Variants in TTN observed in about 807,000 individuals in gnomAD.
TTN encodes the protein connectin.
In TTN, 1,525 loss-of-function variants were observed where a neutral mutation model predicts 3,223.0. The ratio of observed to expected loss-of-function variants is 0.47; its 90% CI spans 0.45 to 0.49. The LOEUF is 0.49. TTN is among the 20% of genes least tolerant of loss of function. The pLI is 0.00. For synonymous variants in TTN, 14,094 were observed against 15,161.0 expected, an observed-to-expected ratio of 0.93 and a Z score of 5.17; for missense variants, 40,786 against 43,424.0, an observed-to-expected ratio of 0.94 and a Z score of 5.40.
chr2:178,663,819 C>CTTTAACAGG lies in TTN; in HGVS notation c.36439_36447dup (p.Pro12147_Lys12149dup), dbSNP rs1560186470. 1 of 1,613,510 alleles carries CTTTAACAGG rather than the reference C, an allele frequency of 6.2e-7. No individual in the cohort carries two copies. The highest frequency in any genetic ancestry group is 2.2e-5 in the East Asian group (1 of 44,872). ...GAAGCCTAAGGTCAGTGGCAACTAC[C>CTTTAACAGG]TTTAACAGGTGGGACTTCAGGCTCT... On this transcript the variant is annotated inframe_insertion and splice_region_variant, in exon 170 of 363. Transcript: ENST00000589042.
chr2:178,590,578 T>C lies in TTN; in HGVS notation c.61147A>G (p.Lys20383Glu). Reference protein sequence around the residue: ...GPPINPKLKDKSRETADLVWT... With the variant: ...GPPINPKLKDESRETADLVWT... ...ACCAAATCAGCTGTTTCTCTGCTCT[T>C]GTCTTTCAGTTTAGGATTAATAGGT... is the stretch of plus-strand genomic sequence containing the variant. The change falls in exon 304 of 363, where the codon AAG becomes GAG. Residue 20383 changes from lysine (K) to glutamate (E), a missense_variant. Transcript: ENST00000589042. The C allele has an allele frequency of 6.2e-7, 1 of 1,612,628 alleles. No homozygotes were observed. Among genetic ancestry groups the C allele is most frequent in the South Asian group, 1.1e-5 (1 of 90,890 alleles).
At chr2:178,714,908 G>A (rs2077235625) in intron 90 of TTN, 78 bp downstream of exon 90, 7 of 1,522,370 alleles carry the variant, frequency 4.6e-6, no homozygotes, top group Non-Finnish European at 6.2e-6. Flanking sequence ...TGATAAGACT[G>A]GGCTGGGGTG....
rs2074411692 is a variant in TTN, at chr2:178,699,412, TTTTTTTTTTTTTTTTTTG to T, written c.30683-516_30683-499del. ...TTTTTTTTTTTTTTTTTTTTTTTTT[TTTTTTTTTTTTTTTTTTG>T]AGACGGAGTCCCGCTGTTTAGCCCA... On this transcript the variant is annotated intron_variant, in intron 111 of 362. Transcript: ENST00000589042. 1.1e-4 allele frequency among the ~76,000 whole-genome samples: 7 copies of T among 65,616 alleles called. No individual in the cohort carries two copies. The East Asian group carries it at 3.6e-3, about 34-fold the overall frequency. 43.0% of individuals were successfully genotyped at this position (65,616 alleles called of 152,430 possible).
In TTN at chr2:178,611,162, A is replaced by T. The variant is rs1187588369; in HGVS notation, c.50967T>A (p.His16989Gln). The T allele has an allele frequency of 6.2e-7, 1 of 1,612,724 alleles. No homozygotes were observed. The highest frequency in any genetic ancestry group is 1.7e-5 in the Admixed American group (1 of 59,930). Residue 16989 changes from histidine to glutamine, a missense_variant, in exon 270 of 363, where the codon CAT becomes CAA. Physicochemically the swap from His to Gln is conservative, Grantham distance 24. Coordinates refer to ENST00000589042, the MANE Select transcript of TTN (RefSeq NM_001267550.2). ...RAVPVPTVSWHKDGKEVKASD... is the reference protein window; with the variant it reads ...RAVPVPTVSWQKDGKEVKASD... ...TTGCTTTAACTTCTTTGCCATCTTT[A>T]TGCCAACTAACAGTTGGAACTGGGA...
Position 178,579,818 on chromosome 2 carries a change from A to C in TTN, c.67379T>G (p.Val22460Gly). ...QTPGPVVDLK[V>G]RSVSKSSCSI... ...ACAGGATGACTTAGATACAGACCTCACTTTCAGGTCCACAACTGGTCCAGG... is the reference window on the plus strand; with the variant it reads ...ACAGGATGACTTAGATACAGACCTCCCTTTCAGGTCCACAACTGGTCCAGG... The change falls in exon 319 of 363, where the codon GTG becomes GGG. Residue 22460 changes from valine (V) to glycine (G), a missense_variant. By Grantham distance (109) the Val-to-Gly change is moderately radical. Transcript: ENST00000589042. 6.2e-7 allele frequency: 1 copy of C among 1,613,294 alleles called. No homozygotes were observed. The highest frequency in any genetic ancestry group is 8.5e-7 in the Non-Finnish European group (1 of 1,179,496).
Position 178,733,119 on chromosome 2 carries a change from G to C in TTN, c.16057C>G (p.Arg5353Gly). 1 of 1,586,148 alleles carries C rather than the reference G, an allele frequency of 6.3e-7. No homozygotes were observed. Among genetic ancestry groups the C allele is most frequent in the Non-Finnish European group, 8.6e-7 (1 of 1,164,478 alleles). ...SCETTFTVLD[R>G]DIAPFFTKPL... ...TTGGTAAAAAATGGAGCAATGTCTC[G>C]ATCTGTGTGTTGCACAAGAAGGGAG... is the stretch of plus-strand genomic sequence containing the variant. The change falls in exon 55 of 363, where the codon CGA becomes GGA. Residue 5353 changes from arginine (R) to glycine (G), a missense_variant and splice_region_variant. Physicochemically the swap from Arg to Gly is moderately radical, Grantham distance 125. Coordinates refer to ENST00000589042, the MANE Select transcript of TTN (RefSeq NM_001267550.2).
Position 178,759,160 on chromosome 2 carries a change from G to A in TTN, c.10127C>T (p.Ser3376Leu), listed in dbSNP as rs781368765. ...CRVSGTDLKV[S>L]WYSKDKKIKP... ...GATTTTCTTGTCTTTGCTGTACCAC[G>A]ACACTTTTAGATCTGCGACACAAAA... Residue 3376 changes from serine (S) to leucine (L), a missense_variant, in exon 44 of 363, where the codon TCG becomes TTG. Transcript: ENST00000589042. 15 of 1,613,618 alleles carry A rather than the reference G, an allele frequency of 9.3e-6. No homozygotes were observed. The African/African-American group carries it at 1.6e-4, about 17-fold the overall frequency.
rs375659512 is a variant in TTN, at chr2:178,784,255, C to T, written c.2590G>A (p.Val864Met). ...KITKSVKAPT[V>M]KPSETRVRAE... ...CTTACTCTAGTCTCACTGGGCTTCACAGTAGGAGCCTTCACCGATTTGGTG... is the reference window on the plus strand; with the variant it reads ...CTTACTCTAGTCTCACTGGGCTTCATAGTAGGAGCCTTCACCGATTTGGTG... The change falls in exon 16 of 363, where the codon GTG becomes ATG. Residue 864 changes from valine (V) to methionine (M), a missense_variant. By Grantham distance (21) the Val-to-Met change is conservative. Coordinates refer to ENST00000589042, the MANE Select transcript of TTN (RefSeq NM_001267550.2). The T allele has an allele frequency of 3.7e-6, 6 of 1,614,110 alleles. No homozygotes were observed. Among genetic ancestry groups the T allele is most frequent in the Non-Finnish European group, 5.1e-6 (6 of 1,179,986 alleles).
At chr2:178,663,150 G>C in intron 173 of TTN, 95 bp from the exon 174 acceptor site, 1 of 1,608,680 alleles carries the variant, frequency 6.2e-7, no homozygotes. Flanking sequence ...GATAGCGATT[G>C]ACATTTGTTT....
Position 178,779,328 on chromosome 2 carries a change from A to G in TTN, c.3864T>C (p.Ala1288=), listed in dbSNP as rs368702156. Residue 1288 remains alanine, a synonymous_variant, in exon 23 of 363, where the codon GCT becomes GCC. Transcript: ENST00000589042. The stretch of plus-strand genomic sequence containing the variant: ...TTCTTGAATCAAATCCTGATTCAAC[A>G]GCTTCAGATTCAGAAATGTCAACTG... ...KMAVDISESE[A]VESGFDSRIK... 3 of 1,613,314 alleles carry G rather than the reference A, an allele frequency of 1.9e-6. No homozygotes were observed. The African/African-American group carries it at 4.0e-5, about 22-fold the overall frequency.
chr2:178,534,226 A>C lies in TTN; in HGVS notation c.102389T>G (p.Val34130Gly). The C allele has an allele frequency of 6.2e-7, 1 of 1,613,954 alleles. No individual in the cohort carries two copies. Residue 34130 changes from valine (V) to glycine (G), a missense_variant, in exon 358 of 363, where the codon GTG becomes GGG. Physicochemically the swap from Val to Gly is moderately radical, Grantham distance 109 (BLOSUM62 -3). Transcript: ENST00000589042. ...AACTGGGCCAATTTCAATGGATGCC[A>C]CTTTAACTTTAGCAACACTCACTCC... ...QKGVSVAKVK[V>G]ASIEIGPVSG...
Position 178,712,377 on chromosome 2 carries a change from T to C in TTN, c.27545A>G (p.Tyr9182Cys), listed in dbSNP as rs777336514. The change falls in exon 95 of 363, where the codon TAC (tyrosine) becomes TGC (cysteine). Residue 9182 changes from tyrosine to cysteine, a missense_variant. Transcript: ENST00000589042. ...AGAGGCATTTTCAATGTAGCAGTTGTATTGTCCTGCATCCTCTACTGTGCT... is the reference window on the plus strand; with the variant it reads ...AGAGGCATTTTCAATGTAGCAGTTGCATTGTCCTGCATCCTCTACTGTGCT... ...PSSTVEDAGQYNCYIENASGK... is the reference protein window; with the variant it reads ...PSSTVEDAGQCNCYIENASGK... 4.3e-6 allele frequency: 7 copies of C among 1,613,736 alleles called. No individual in the cohort carries two copies. In the East Asian group the frequency reaches 1.6e-4, roughly 36 times the overall value.
In TTN at chr2:178,720,166, C is replaced by T. The variant is rs746798612; in HGVS notation, c.23476G>A (p.Val7826Ile). The change falls in exon 81 of 363, where the codon GTT (valine) becomes ATT (isoleucine). Residue 7826 changes from valine to isoleucine, a missense_variant. Physicochemically the swap from Val to Ile is conservative, Grantham distance 29 (BLOSUM62 3). Transcript: ENST00000589042. The part of the protein sequence containing the change: ...AIVEGFQPIS[V>I]VWLKDRGEVI... ...TCACCTCTATCTTTCAGCCAGACAA[C>T]AGAAATTGGCTGGAAGCCCTCCACT... is the stretch of plus-strand genomic sequence containing the variant. The T allele has an allele frequency of 7.4e-6, 12 of 1,613,626 alleles. No individual in the cohort carries two copies. In the South Asian group the frequency reaches 1.1e-4, roughly 15 times the overall value.
chr2:178,672,276 G>A lies in TTN; in HGVS notation c.34931-9C>T. ...TTCAAGGACAGTTCTCCCTGAAAGA[G>A]CATCTATTTTAAGACTTATTTTTTT... On this transcript the variant is annotated splice_polypyrimidine_tract_variant and intron_variant, in intron 154 of 362. Coordinates refer to ENST00000589042, the MANE Select transcript of TTN (RefSeq NM_001267550.2). 1 of 1,591,294 alleles carries A rather than the reference G, an allele frequency of 6.3e-7. No homozygotes were observed.
intron 45 of TTN, among the ~76,000 whole-genome samples, chr2:178,757,231 T>TACTGTACTTGCTTTTAGTA (rs1252574568): frequency 6.7e-6 from 1 of 148,874 alleles, no homozygotes; most frequent in Non-Finnish European, 1.5e-5. Flanking sequence ...TAAGTAATAA[T>TACTGTACTTGCTTTTAGTA]CAGCAAATAG....
intron 34 of TTN, 45 bp from the exon 35 acceptor site, chr2:178,770,720 A>C: frequency 1.3e-6 from 2 of 1,596,702 alleles, no homozygotes; most frequent in Non-Finnish European, 1.7e-6. Context: ...AGATGACATC[A>C]TCAAGGAAAA....
chr2:178,635,779 T>C, intron 226 of TTN, 64 bp from the exon 227 acceptor site: 1 of 1,532,544 alleles, frequency 6.5e-7, no homozygotes, highest in East Asian at 2.3e-5. Context: ...ATAGCTTCCT[T>C]AGTAAATTTC....
intron 2 of TTN, 77 bp downstream of exon 2, chr2:178,804,475 C>A: frequency 7.0e-7 from 1 of 1,432,572 alleles, no homozygotes; most frequent in South Asian, 1.2e-5. Flanking sequence ...AACTTGGCGT[C>A]AAGTCCTGCA....
Position 178,601,005 on chromosome 2 carries a change from C to T in TTN, c.55899G>A (p.Gln18633=), listed in dbSNP as rs1388048482. The part of the protein sequence containing the change: ...PTGTKKEAWR[Q]CNKRDVEELQ... ...GTTCTTCCACATCACGCTTATTGCA[C>T]TGCCTCCAGGCTTCTTTCTTTGTCC... The change falls in exon 288 of 363, where the codon CAG becomes CAA. Residue 18633 remains glutamine, a synonymous_variant. Coordinates refer to ENST00000589042, the MANE Select transcript of TTN (RefSeq NM_001267550.2). 1.2e-6 allele frequency: 2 copies of T among 1,613,086 alleles called. No individual in the cohort carries two copies. Among genetic ancestry groups the T allele is most frequent in the South Asian group, 2.2e-5 (2 of 91,034 alleles).
Sources: gnomAD v4.1 joint callset for allele counts (sites outside exome capture counted in the v4.1 genomes callset) on GRCh38, gnomAD v4.1.1 for gene constraint, MANE v1.5 for transcripts, NCBI Gene and HGNC (gene_info 2026-07-23, HGNC 2026-07-21) for gene names.